Variants in RANBP17 observed in about 807,000 individuals in gnomAD.
RANBP17 encodes ran-binding protein 17.
RANBP17 carries 158 observed loss-of-function variants against 141.2 expected under a neutral mutation model. The observed-to-expected ratio is 1.12, with a 90% CI of 0.98 to 1.28. The LOEUF (loss-of-function observed/expected upper bound fraction) is 1.28. Ranked by LOEUF, RANBP17 falls within the 50% of genes most tolerant of loss-of-function variation. The probability of loss-of-function intolerance (pLI) is 0.00; values close to 1 mark genes in which losing one functional copy is unlikely to be tolerated. For missense variants in RANBP17, 1,438 were observed against 1,290.7 expected, an observed-to-expected ratio of 1.11 and a Z score of -1.75; for synonymous variants, 430 against 450.0, an observed-to-expected ratio of 0.96 and a Z score of 0.56.
At chr5:171,153,132 T>C (rs74468093) in intron 14 of RANBP17, among the ~76,000 whole-genome samples, 1 of 152,172 alleles carries the variant, frequency 6.6e-6, no homozygotes, top group Admixed American at 6.5e-5. Flanking sequence ...TATTTTCTCA[T>C]TGATTGATTG....
intron 18 of RANBP17, among the ~76,000 whole-genome samples, chr5:171,196,592 G>T (rs1050226901): frequency 1.9e-4 from 29 of 152,166 alleles, no homozygotes; most frequent in East Asian, 3.8e-4. Flanking sequence ...GACAACAATA[G>T]TGCTAATGGC....
At chr5:170,971,179 T>C (rs1239679399) in intron 14 of RANBP17, among the ~76,000 whole-genome samples, 2 of 152,196 alleles carry the variant, frequency 1.3e-5, no homozygotes, top group African/African-American at 2.4e-5. Context: ...CAGAATATAA[T>C]TTATAGAAGT....
chr5:171,298,524 G>A (rs1317967394), intron 27 of RANBP17, among the ~76,000 whole-genome samples: 3 of 152,194 alleles, frequency 2.0e-5, no homozygotes, highest in African/African-American at 7.2e-5. Context: ...ACCTCAAGAT[G>A]GTCAGAGTGA....
At chr5:170,881,232 A>T (rs923233345) in intron 2 of RANBP17, among the ~76,000 whole-genome samples, 1 of 152,210 alleles carries the variant, frequency 6.6e-6, no homozygotes, top group African/African-American at 2.4e-5. Flanking sequence ...AGAGAAAAAA[A>T]GAGGGAGTAT....
At chr5:171,065,466 G>A (rs1784256352) in intron 14 of RANBP17, among the ~76,000 whole-genome samples, 1 of 152,090 alleles carries the variant, frequency 6.6e-6, no homozygotes, top group African/African-American at 2.4e-5. Flanking sequence ...GACCTGAGAG[G>A]AGACGGAGCT....
At chr5:171,218,549 A>G (rs1290217231) in intron 21 of RANBP17, among the ~76,000 whole-genome samples, 1 of 152,032 alleles carries the variant, frequency 6.6e-6, no homozygotes, top group East Asian at 1.9e-4. Context: ...GTCTCTAAGA[A>G]CTTGTTTCAT....
Position 171,170,174 on chromosome 5 carries a change from C to T in RANBP17, c.1755C>T (p.Asn585=). The T allele has an allele frequency of 6.3e-7, 1 of 1,583,740 alleles. No homozygotes were observed. Residue 585 remains asparagine (N), a synonymous_variant, in exon 15 of 28, where the codon AAC becomes AAT. Coordinates refer to ENST00000523189, the MANE Select transcript of RANBP17 (RefSeq NM_022897.5). The stretch of plus-strand genomic sequence containing the variant: ...AAGTCTTAGGAATAACAGATGACAA[C>T]CACGTTCTAGAGACGTTCATGACAA... ...MSEVLGITDD[N]HVLETFMTKI... is the part of the protein sequence containing the mutation.
At chr5:171,081,269 A>G (rs1162524154) in intron 14 of RANBP17, among the ~76,000 whole-genome samples, 1 of 152,116 alleles carries the variant, frequency 6.6e-6, no homozygotes, top group African/African-American at 2.4e-5. Flanking sequence ...AACTAATATA[A>G]GTGATGGCCT....
intron 14 of RANBP17, among the ~76,000 whole-genome samples, chr5:171,089,281 G>A (rs1055846702): frequency 9.9e-6 from 1 of 101,154 alleles, no homozygotes; most frequent in African/African-American, 3.0e-5. Context: ...GGGGGTCACG[G>A]GTCAGGGACC....
chr5:170,920,323 CT>C (rs1001932382), intron 11 of RANBP17, among the ~76,000 whole-genome samples: 1 of 152,112 alleles, frequency 6.6e-6, no homozygotes, highest in Admixed American at 6.5e-5. Flanking sequence ...CTCACTAGCA[CT>C]TGATATTGTT....
intron 26 of RANBP17, among the ~76,000 whole-genome samples, chr5:171,295,439 C>T (rs1768758206): frequency 6.6e-6 from 1 of 152,210 alleles, no homozygotes; most frequent in African/African-American, 2.4e-5. Flanking sequence ...GAGTGACTCA[C>T]TGAAGCCAGG....
At chr5:170,916,437 G>A in intron 8 of RANBP17, 28 bp from the exon 9 acceptor site, 10 of 1,502,390 alleles carry the variant, frequency 6.7e-6, no homozygotes, top group Non-Finnish European at 8.9e-6. Flanking sequence ...TTTGAAAATT[G>A]AAATGAAATT....
chr5:171,209,793 A>G (rs1394376122), intron 20 of RANBP17, among the ~76,000 whole-genome samples: 1 of 152,222 alleles, frequency 6.6e-6, no homozygotes, highest in Non-Finnish European at 1.5e-5. Context: ...CTTGTGAACA[A>G]AGGTCCAGAT....
At chr5:170,965,481 T>C (rs1178424517) in intron 13 of RANBP17, among the ~76,000 whole-genome samples, 1 of 152,090 alleles carries the variant, frequency 6.6e-6, no homozygotes, top group Non-Finnish European at 1.5e-5. Flanking sequence ...CCCATGCCTA[T>C]GTTCTGAATG....
At chr5:171,090,674 G>T (rs1378963128) in intron 14 of RANBP17, among the ~76,000 whole-genome samples, 1 of 152,134 alleles carries the variant, frequency 6.6e-6, no homozygotes, top group Non-Finnish European at 1.5e-5. Context: ...ATGGTTTCAT[G>T]GGCAGGGCCC....
At chr5:170,937,279 GGT>G (rs199521205) in intron 12 of RANBP17, among the ~76,000 whole-genome samples, 1,624 of 152,256 alleles carry the variant, frequency 0.011, 25 homozygotes, top group African/African-American at 0.038. Context: ...TTAGCACTGA[GGT>G]CAAGTCAGAC....
chr5:170,864,987 G>T (rs750437595), intron 1 of RANBP17, among the ~76,000 whole-genome samples: 19 of 152,140 alleles, frequency 1.2e-4, no homozygotes, highest in Non-Finnish European at 1.0e-4. Flanking sequence ...ACTGGATTAG[G>T]CTTTCCCCAT....
At chr5:170,881,450 A>G (rs1473233076) in intron 2 of RANBP17, among the ~76,000 whole-genome samples, 6 of 152,194 alleles carry the variant, frequency 3.9e-5, no homozygotes, top group African/African-American at 1.4e-4. Context: ...AAAGTCAAGA[A>G]TGGAATCAGA....
At chr5:171,260,850 G>C (rs974358861) in intron 24 of RANBP17, among the ~76,000 whole-genome samples, 1 of 152,016 alleles carries the variant, frequency 6.6e-6, no homozygotes, top group African/African-American at 2.4e-5. Context: ...TAGCCTAAAA[G>C]CCTAAACAAG....
Sources: gnomAD v4.1 joint callset for allele counts (sites outside exome capture counted in the v4.1 genomes callset) on GRCh38, gnomAD v4.1.1 for gene constraint, MANE v1.5 for transcripts, NCBI Gene and HGNC (gene_info 2026-07-23, HGNC 2026-07-21) for gene names.